The following DCAF5 variants were observed in gnomAD, a reference collection of about 807,000 sequenced individuals.
DCAF5 encodes the protein DDB1 and CUL4 associated factor 5.
Under a neutral mutation model 80.7 loss-of-function variants are expected in DCAF5, and 9 were observed. The observed-to-expected ratio is 0.11, with a 90% CI of 0.07 to 0.19. The LOEUF is 0.19. DCAF5 is among the 10% of genes least tolerant of loss of function. The pLI, the probability that DCAF5 is intolerant of heterozygous loss-of-function variation, is 1.00. For synonymous variants in DCAF5, 433 were observed against 461.9 expected (o/e 0.94, Z 0.80); for missense variants, 842 against 1,205.7 (o/e 0.70, Z 4.47).
chr14:69,098,727 C>CAAAAAAAAAA (rs35501979), intron 5 of DCAF5, among the ~76,000 whole-genome samples: 274 of 91,304 alleles, frequency 3.0e-3, no homozygotes, highest in Middle Eastern at 8.3e-3. Context: ...ACTAAAAATA[C>CAAAAAAAAAA]AAAAAAAAAA....
chr14:69,147,056 T>C (rs1351682264), intron 1 of DCAF5, among the ~76,000 whole-genome samples: 2 of 151,706 alleles, frequency 1.3e-5, no homozygotes, highest in Non-Finnish European at 2.9e-5. Flanking sequence ...TTTAGACTAA[T>C]TTATCTACAA....
chr14:69,148,549 G>T lies in DCAF5; in HGVS notation c.214+4216C>A, dbSNP rs190293785. Among the ~76,000 whole-genome samples the T allele has an allele frequency of 2.0e-5, 3 of 152,020 alleles. No homozygotes were observed. In the East Asian group the frequency reaches 5.8e-4, roughly 29 times the overall value. ...GTTTCTACTAAAAATACAAAAATTA[G>T]CCAGGTGTGGAGGCACGCACATGTA... On this transcript the variant is annotated intron_variant, in intron 1 of 8. Coordinates refer to ENST00000341516, the MANE Select transcript of DCAF5 (RefSeq NM_003861.3).
At chr14:69,089,854 C>T (rs2039470078) in intron 6 of DCAF5, 5 of 855,082 alleles carry the variant, frequency 5.8e-6, no homozygotes, top group Non-Finnish European at 5.6e-6. Context: ...TGCTAACCAT[C>T]TTATAATGCA....
At chr14:69,123,449 AAAG>A (rs935464531) in intron 1 of DCAF5, among the ~76,000 whole-genome samples, 4 of 152,204 alleles carry the variant, frequency 2.6e-5, no homozygotes, top group African/African-American at 9.6e-5. Context: ...GATGGCTATA[AAAG>A]AAGCTGTTTA....
chr14:69,054,627 C>G lies in DCAF5; in HGVS notation c.2059G>C (p.Gly687Arg), dbSNP rs753070645. The G allele has an allele frequency of 2.5e-6, 4 of 1,614,040 alleles. No homozygotes were observed. In the Admixed American group the frequency reaches 6.7e-5, roughly 27 times the overall value. The change falls in exon 9 of 9, where the codon GGG (glycine) becomes CGG (arginine). Residue 687 changes from glycine to arginine, a missense_variant. By Grantham distance (125) the Gly-to-Arg change is moderately radical. Coordinates refer to ENST00000341516, the MANE Select transcript of DCAF5 (RefSeq NM_003861.3). The stretch of plus-strand genomic sequence containing the variant: ...CCTGCTCTCCCTTCATCTGCCTCCC[C>G]GGTCACCAAGGAGGTCTCTCCATCT... ...NKDGETSLVT[G>R]EADEGRAGTS... is the part of the protein sequence containing the mutation.
chr14:69,117,855 C>CA (rs2040589591), intron 4 of DCAF5, among the ~76,000 whole-genome samples: 1 of 152,132 alleles, frequency 6.6e-6, no homozygotes, highest in Admixed American at 6.5e-5. Flanking sequence ...AGTTACATGT[C>CA]AGCACCACAA....
At position 69,054,796 on chromosome 14, in the gene DCAF5, G is replaced by C. The variant is rs1373362552; in HGVS notation, c.1890C>G (p.Thr630=). 1 of 1,614,262 alleles carries C rather than the reference G, an allele frequency of 6.2e-7. No homozygotes were observed. Among genetic ancestry groups the C allele is most frequent in the Admixed American group, 1.7e-5 (1 of 60,032 alleles). The change falls in exon 9 of 9, where the codon ACC becomes ACG. Residue 630 remains threonine (T), a synonymous_variant. Coordinates refer to ENST00000341516, the MANE Select transcript of DCAF5 (RefSeq NM_003861.3). ...IKVDDLSSSP[T]SSPERSTSTL... Reference sequence around the variant, plus strand: ...TGGAAGTGCTCCGCTCAGGGGACGAGGTTGGGGAGGAGGAGAGGTCATCCA... The same window carrying C: ...TGGAAGTGCTCCGCTCAGGGGACGACGTTGGGGAGGAGGAGAGGTCATCCA...
At chr14:69,082,648 C>T (rs2039156041) in intron 6 of DCAF5, among the ~76,000 whole-genome samples, 1 of 152,156 alleles carries the variant, frequency 6.6e-6, no homozygotes, top group African/African-American at 2.4e-5. Flanking sequence ...ACCATTAGCC[C>T]CCCTCCATGG....
intron 4 of DCAF5, 147 bp downstream of exon 4, chr14:69,117,992 C>T: frequency 8.7e-7 from 1 of 1,150,146 alleles, no homozygotes; most frequent in Non-Finnish European, 1.3e-6. Flanking sequence ...CCTCCAAAGA[C>T]CTCTTATGCC....
At chr14:69,084,892 C>A in intron 6 of DCAF5, 1 of 1,346,556 alleles carries the variant, frequency 7.4e-7, no homozygotes, top group Non-Finnish European at 1.1e-6. Flanking sequence ...CTCCGGATGA[C>A]CCTAAGGAAT....
At chr14:69,126,381 T>C (rs2040876484) in intron 1 of DCAF5, among the ~76,000 whole-genome samples, 1 of 152,136 alleles carries the variant, frequency 6.6e-6, no homozygotes, top group African/African-American at 2.4e-5. Context: ...GGTCTTGAAC[T>C]CCTGACCTCA....
intron 5 of DCAF5, among the ~76,000 whole-genome samples, chr14:69,111,114 G>A (rs2040350564): frequency 6.6e-6 from 1 of 152,166 alleles, no homozygotes; most frequent in South Asian, 2.1e-4. Context: ...GCCTTTTCCA[G>A]CCTTTGACAT....
At chr14:69,133,553 G>A (rs1031188033) in intron 1 of DCAF5, among the ~76,000 whole-genome samples, 1 of 152,114 alleles carries the variant, frequency 6.6e-6, no homozygotes. Flanking sequence ...CAGGGAAGAG[G>A]CGGGGGTACA....
At chr14:69,069,722 G>T (rs1353875487) in intron 7 of DCAF5, among the ~76,000 whole-genome samples, 1 of 151,796 alleles carries the variant, frequency 6.6e-6, no homozygotes, top group East Asian at 1.9e-4. Flanking sequence ...TGATCTTCCC[G>T]CCTCAGCCTC....
Position 69,122,403 on chromosome 14 carries a change from C to T in DCAF5, c.215-43G>A, listed in dbSNP as rs201208544. ...AATCTGTGCTTAAAACAGCTGACAT[C>T]GCAAGGCTGACAGATGGTTTTGCCA... is the stretch of plus-strand genomic sequence containing the variant. On this transcript the variant is annotated intron_variant, in intron 1 of 8. Transcript: ENST00000341516. 1.3e-3 allele frequency: 2,104 copies of T among 1,580,748 alleles called. 3 individuals carry two copies. Among genetic ancestry groups the T allele is most frequent in the Non-Finnish European group, 1.6e-3 (1,905 of 1,154,852 alleles).
At chr14:69,106,916 C>T (rs887190641) in intron 5 of DCAF5, among the ~76,000 whole-genome samples, 6 of 152,062 alleles carry the variant, frequency 3.9e-5, no homozygotes, top group African/African-American at 1.2e-4. Flanking sequence ...GTGGCACATG[C>T]CTGCAGTCCC....
At chr14:69,126,544 T>A (rs2040881020) in intron 1 of DCAF5, among the ~76,000 whole-genome samples, 1 of 152,196 alleles carries the variant, frequency 6.6e-6, no homozygotes, top group Non-Finnish European at 1.5e-5. Context: ...CAAATTCATT[T>A]TATGCATATC....
rs1372795717 is a variant in DCAF5 at position 69,118,584 on chromosome 14, T to C, written c.396-306A>G. 2.0e-5 allele frequency among the ~76,000 whole-genome samples: 3 copies of C among 152,146 alleles called. No homozygotes were observed. The highest frequency in any genetic ancestry group is 4.4e-5 in the Non-Finnish European group (3 of 68,016). On this transcript the variant is annotated intron_variant, in intron 3 of 8. Transcript: ENST00000341516. The surrounding 1 kb of genome is among the most constrained non-coding windows in gnomAD (Gnocchi z 4.0). Reference sequence around the variant, plus strand: ...AGAATGCATCTGCTTGTGTACAGATTTGGGGGTCATACTTGATTTTCAAAA... The same window carrying C: ...AGAATGCATCTGCTTGTGTACAGATCTGGGGGTCATACTTGATTTTCAAAA...
At chr14:69,112,394 G>A (rs1333615435) in intron 5 of DCAF5, among the ~76,000 whole-genome samples, 1 of 152,062 alleles carries the variant, frequency 6.6e-6, no homozygotes, top group Non-Finnish European at 1.5e-5. Context: ...ATTGTAAGGA[G>A]GCACAGATGA....
Sources: gnomAD v4.1 joint callset for allele counts (sites outside exome capture counted in the v4.1 genomes callset) on GRCh38, gnomAD v4.1.1 for gene constraint, Gnocchi (gnomAD v3.1) non-coding constraint, MANE v1.5 for transcripts, NCBI Gene and HGNC (gene_info 2026-07-23, HGNC 2026-07-21) for gene names.